SYT16: variants seen among roughly 807,000 people sequenced by gnomAD.
The protein encoded by SYT16 is synaptotagmin 16, also known as synaptotagmin-16.
SYT16 carries 42 observed loss-of-function variants against 61.4 expected under a neutral mutation model. That is an observed-to-expected ratio of 0.68 (90% CI 0.53 to 0.89). SYT16 has a LOEUF of 0.89. SYT16 is among the 40% of genes least tolerant of loss of function. SYT16 has a pLI of 0.00. For synonymous variants in SYT16, 314 were observed against 302.3 expected, an observed-to-expected ratio of 1.04 and a Z score of -0.40; for missense variants, 804 against 807.3, an observed-to-expected ratio of 1.00 and a Z score of 0.05.
Position 61,816,879 on chromosome 14 carries a change from C to T in SYT16, c.-325+4069C>T, listed in dbSNP as rs529303675. On this transcript the variant is annotated intron_variant, in intron 1 of 7. Transcript: ENST00000683842. ...ACAAAAAATTAGCCGGGCGTGGTGG[C>T]GGGCGCTTGTAGTCCCATCTACTCG... 5.3e-5 allele frequency among the ~76,000 whole-genome samples: 8 copies of T among 151,826 alleles called. No homozygotes were observed. In the South Asian group the frequency reaches 1.2e-3, roughly 24 times the overall value.
chr14:61,932,719 GA>G (rs2049824204), intron 1 of SYT16, among the ~76,000 whole-genome samples: 2 of 152,158 alleles, frequency 1.3e-5, no homozygotes, highest in South Asian at 4.1e-4. Flanking sequence ...GGGGCACACA[GA>G]TAGATCTTCT....
At chr14:61,827,204 C>T (rs1040530189) in intron 1 of SYT16, among the ~76,000 whole-genome samples, 3 of 152,146 alleles carry the variant, frequency 2.0e-5, no homozygotes, top group Non-Finnish European at 4.4e-5. Context: ...CTCTGTACAT[C>T]CTTTCTGCCA....
At chr14:62,063,569 T>A (rs1566811725) in intron 3 of SYT16, among the ~76,000 whole-genome samples, 1 of 152,114 alleles carries the variant, frequency 6.6e-6, no homozygotes, top group Non-Finnish European at 1.5e-5. Flanking sequence ...CAGCTTGGCT[T>A]CACATTCTGC....
intron 1 of SYT16, among the ~76,000 whole-genome samples, chr14:61,963,825 G>C (rs531833773): frequency 3.7e-4 from 57 of 152,248 alleles, no homozygotes; most frequent in African/African-American, 1.3e-3. Context: ...TGTAGCTGGT[G>C]ACTTTAAATT....
chr14:62,019,942 A>G, intron 3 of SYT16, among the ~76,000 whole-genome samples: 1 of 152,212 alleles, frequency 6.6e-6, no homozygotes, highest in African/African-American at 2.4e-5. Context: ...AGGCCTGGAG[A>G]TAGGCGGTAG....
At chr14:62,073,983 A>G (rs919972864) in intron 4 of SYT16, among the ~76,000 whole-genome samples, 6 of 152,232 alleles carry the variant, frequency 3.9e-5, no homozygotes, top group Non-Finnish European at 5.9e-5. Flanking sequence ...CAATGTATAT[A>G]GAAGAGCTTT....
chr14:61,996,731 A>G (rs558443317), intron 3 of SYT16, among the ~76,000 whole-genome samples, 189 bp downstream of exon 3: 122 of 152,212 alleles, frequency 8.0e-4, no homozygotes, highest in African/African-American at 2.8e-3. Flanking sequence ...TGGAGGATCC[A>G]CGTTTGGGAG....
intron 1 of SYT16, among the ~76,000 whole-genome samples, chr14:61,844,621 T>C (rs1204812650): frequency 6.6e-6 from 1 of 152,252 alleles, no homozygotes; most frequent in African/African-American, 2.4e-5. Context: ...AAATGCTTTT[T>C]CAGCATCAAT....
At chr14:61,867,844 C>G (rs2140299220) in intron 1 of SYT16, among the ~76,000 whole-genome samples, 1 of 152,014 alleles carries the variant, frequency 6.6e-6, no homozygotes, top group East Asian at 1.9e-4. Flanking sequence ...TCCTTCTATT[C>G]CTAGTTTGCT....
At chr14:61,945,463 T>G (rs555107822) in intron 1 of SYT16, among the ~76,000 whole-genome samples, 1 of 152,260 alleles carries the variant, frequency 6.6e-6, no homozygotes, top group South Asian at 2.1e-4. Context: ...CTGTTCACAA[T>G]AGCAAAGACT....
chr14:62,067,584 A>T (rs1442380469), intron 3 of SYT16, among the ~76,000 whole-genome samples: 1 of 152,218 alleles, frequency 6.6e-6, no homozygotes, highest in East Asian at 1.9e-4. Flanking sequence ...GAAGGCTATT[A>T]TCAAAAACAC....
At chr14:62,011,269 C>T (rs182296956) in intron 3 of SYT16, among the ~76,000 whole-genome samples, 3 of 152,212 alleles carry the variant, frequency 2.0e-5, no homozygotes, top group African/African-American at 7.2e-5. Context: ...CCTTCAACTC[C>T]AGTTTCTAAT....
At chr14:62,083,448 A>G (rs1471456857) in intron 6 of SYT16, among the ~76,000 whole-genome samples, 2 of 152,004 alleles carry the variant, frequency 1.3e-5, no homozygotes, top group Admixed American at 6.6e-5. Context: ...CCTCCTCCCG[A>G]TGTGCCCGTG....
At chr14:61,863,921 G>A (rs2047045581) in intron 1 of SYT16, among the ~76,000 whole-genome samples, 1 of 152,172 alleles carries the variant, frequency 6.6e-6, no homozygotes, top group South Asian at 2.1e-4. Flanking sequence ...TCAGTTGACT[G>A]TATGTATGTG....
intron 3 of SYT16, among the ~76,000 whole-genome samples, chr14:62,044,575 GT>G (rs2054886955): frequency 6.6e-6 from 1 of 152,124 alleles, no homozygotes; most frequent in Non-Finnish European, 1.5e-5. Context: ...TCCTGTGTTA[GT>G]TTGCTGAGAA....
chr14:61,843,504 C>T (rs1426047748), intron 1 of SYT16, among the ~76,000 whole-genome samples: 1 of 152,142 alleles, frequency 6.6e-6, no homozygotes, highest in Non-Finnish European at 1.5e-5. Flanking sequence ...AAATGTTTCC[C>T]TGATGTTTTC....
At chr14:62,015,316 C>T (rs892449475) in intron 3 of SYT16, among the ~76,000 whole-genome samples, 1 of 151,948 alleles carries the variant, frequency 6.6e-6, no homozygotes, top group African/African-American at 2.4e-5. Context: ...AATGAAGGAA[C>T]ATAAACCTAA....
At chr14:61,888,719 T>C (rs1253669548) in intron 1 of SYT16, among the ~76,000 whole-genome samples, 1 of 151,694 alleles carries the variant, frequency 6.6e-6, no homozygotes, top group Non-Finnish European at 1.5e-5. Flanking sequence ...GTTGGAAATA[T>C]TGTGCTGATA....
chr14:62,052,374 T>G (rs189961086), intron 3 of SYT16, among the ~76,000 whole-genome samples: 2 of 152,368 alleles, frequency 1.3e-5, no homozygotes, highest in Admixed American at 6.5e-5. Context: ...AAAGCATTTT[T>G]ATAATTTTTA....
Sources: gnomAD v4.1 joint callset for allele counts (sites outside exome capture counted in the v4.1 genomes callset) on GRCh38, gnomAD v4.1.1 for gene constraint, MANE v1.5 for transcripts, NCBI Gene and HGNC (gene_info 2026-07-23, HGNC 2026-07-21) for gene names.